Variants in TENM3 observed in about 807,000 individuals in gnomAD.
TENM3 encodes the protein teneurin-3.
TENM3 carries 63 observed loss-of-function variants against 255.1 expected under a neutral mutation model. The observed-to-expected ratio is 0.25, with a 90% CI of 0.20 to 0.30. The LOEUF (loss-of-function observed/expected upper bound fraction) is 0.30. TENM3 is among the 10% of genes least tolerant of loss of function. The pLI, the probability that TENM3 is intolerant of heterozygous loss-of-function variation, is 1.00. For missense variants in TENM3, 2,929 were observed against 3,461.1 expected, an observed-to-expected ratio of 0.85 and a Z score of 3.86; for synonymous variants, 1,306 against 1,322.3, an observed-to-expected ratio of 0.99 and a Z score of 0.27.
At chr4:181,901,836 G>A in the TENM3 span, among the ~76,000 whole-genome samples, 1 of 152,050 alleles carries the variant, frequency 6.6e-6, no homozygotes, top group Non-Finnish European at 1.5e-5. Flanking sequence ...TTATTATAAA[G>A]TAAAGTTTTA....
the TENM3 span, among the ~76,000 whole-genome samples, chr4:181,632,221 A>G: frequency 6.6e-6 from 1 of 152,130 alleles, no homozygotes; most frequent in Non-Finnish European, 1.5e-5. Flanking sequence ...GGCAGGAGAG[A>G]GAGAGTGGAG....
At chr4:181,672,705 C>A in the TENM3 span, among the ~76,000 whole-genome samples, 10 of 152,314 alleles carry the variant, frequency 6.6e-5, no homozygotes, top group Non-Finnish European at 1.3e-4. Context: ...GCGCCTGCAT[C>A]TGCATTATAG....
the TENM3 span, among the ~76,000 whole-genome samples, chr4:181,528,469 C>T: frequency 1.3e-5 from 2 of 152,146 alleles, no homozygotes; most frequent in Non-Finnish European, 2.9e-5. Context: ...GTAAATGAGA[C>T]TCGCAAAGCA....
At chr4:182,167,865 C>T (rs993061912) in intron 1 of TENM3, among the ~76,000 whole-genome samples, 1 of 152,092 alleles carries the variant, frequency 6.6e-6, no homozygotes, top group African/African-American at 2.4e-5. Context: ...GCCTGGGTGA[C>T]GGAGTCAGAC....
At chr4:182,200,479 G>A (rs1162022262) in intron 1 of TENM3, among the ~76,000 whole-genome samples, 1 of 152,128 alleles carries the variant, frequency 6.6e-6, no homozygotes, top group Non-Finnish European at 1.5e-5. Context: ...TATTTTTAAA[G>A]TACATCCAAT....
At chr4:181,917,588 C>T in the TENM3 span, among the ~76,000 whole-genome samples, 1 of 151,714 alleles carries the variant, frequency 6.6e-6, no homozygotes, top group African/African-American at 2.4e-5. Context: ...CACATCAGTT[C>T]AGGAGCTCTC....
chr4:181,448,080 C>G, the TENM3 span, among the ~76,000 whole-genome samples: 2 of 149,960 alleles, frequency 1.3e-5, no homozygotes, highest in Non-Finnish European at 2.9e-5. Context: ...ACCTTACCAT[C>G]GTATTTCTTT....
At chr4:181,737,867 G>A in the TENM3 span, among the ~76,000 whole-genome samples, 1 of 151,212 alleles carries the variant, frequency 6.6e-6, no homozygotes, top group South Asian at 2.1e-4. Flanking sequence ...AATGCAGGAT[G>A]TGGTATTACA....
rs188670122 is a variant in TENM3, at chr4:182,149,734, A to G, written c.-76+4980A>G. Among the ~76,000 whole-genome samples the G allele has an allele frequency of 9.2e-5, 14 of 152,178 alleles. No individual in the cohort carries two copies. The East Asian group carries it at 2.7e-3, about 29-fold the overall frequency. On this transcript the variant is annotated intron_variant, in intron 1 of 2. Coordinates refer to the TENM3 transcript ENST00000512480. The stretch of plus-strand genomic sequence containing the variant: ...AGGTAATTCTTATATGTTTAGGAGC[A>G]TGTGTGGAGTGAAATGTAGCATAAC...
chr4:182,750,579 T>A (rs1281026261), intron 19 of TENM3, among the ~76,000 whole-genome samples: 1 of 152,158 alleles, frequency 6.6e-6, no homozygotes, highest in East Asian at 1.9e-4. Context: ...CCTAACCTCA[T>A]TGGTAATGAG....
the TENM3 span, among the ~76,000 whole-genome samples, chr4:181,545,862 G>A: frequency 6.6e-6 from 1 of 152,098 alleles, no homozygotes; most frequent in Non-Finnish European, 1.5e-5. Flanking sequence ...AGAAATATAT[G>A]TTTTCATGCT....
the TENM3 span, among the ~76,000 whole-genome samples, chr4:181,561,076 C>T: frequency 6.6e-6 from 1 of 152,272 alleles, no homozygotes; most frequent in South Asian, 2.1e-4. Context: ...CCTCAGCCTC[C>T]CGAGTAGCTG....
At chr4:182,554,877 T>C (rs1187793272) in intron 3 of TENM3, among the ~76,000 whole-genome samples, 1 of 137,762 alleles carries the variant, frequency 7.3e-6, no homozygotes, top group Non-Finnish European at 1.6e-5. Context: ...CCTTTTAAGC[T>C]TTTTTTTTTT....
At chr4:182,298,039 G>A (rs1761605483) in intron 1 of TENM3, among the ~76,000 whole-genome samples, 2 of 152,184 alleles carry the variant, frequency 1.3e-5, no homozygotes, top group Admixed American at 6.5e-5. Context: ...TGCATCTTAC[G>A]TTGAACGTCA....
At chr4:182,509,252 A>G (rs180687408) in intron 3 of TENM3, among the ~76,000 whole-genome samples, 63 of 152,324 alleles carry the variant, frequency 4.1e-4, no homozygotes. Flanking sequence ...CTGTATCCTC[A>G]GATGTGTTTA....
intron 3 of TENM3, among the ~76,000 whole-genome samples, chr4:182,499,177 G>C (rs1384649577): frequency 6.6e-6 from 1 of 152,190 alleles, no homozygotes; most frequent in East Asian, 1.9e-4. Context: ...TGGTAAGGAA[G>C]AAGTGAATGA....
chr4:182,323,924 T>C (rs1340900475), intron 1 of TENM3, 22 bp from the exon 2 acceptor site: 2 of 1,055,246 alleles, frequency 1.9e-6, no homozygotes, highest in East Asian at 2.6e-5. Context: ...GCTGACCTCA[T>C]GCAAACCTTG....
At chr4:181,716,605 G>C in the TENM3 span, among the ~76,000 whole-genome samples, 1 of 152,070 alleles carries the variant, frequency 6.6e-6, no homozygotes, top group African/African-American at 2.4e-5. Flanking sequence ...TAACTTCTCT[G>C]TGCCTTCAGT....
At chr4:182,318,605 G>A (rs745919075) in intron 1 of TENM3, among the ~76,000 whole-genome samples, 3 of 152,144 alleles carry the variant, frequency 2.0e-5, no homozygotes, top group Non-Finnish European at 2.9e-5. Flanking sequence ...GTGTTGGGAA[G>A]AAGCAAATAA....
Sources: gnomAD v4.1 joint callset for allele counts (sites outside exome capture counted in the v4.1 genomes callset) on GRCh38, gnomAD v4.1.1 for gene constraint, MANE v1.5 for transcripts, NCBI Gene and HGNC (gene_info 2026-07-23, HGNC 2026-07-21) for gene names.